Variants in ANKS1B observed in about 807,000 individuals in gnomAD.
ANKS1B encodes ankyrin repeat and sterile alpha motif domain-containing protein 1B.
ANKS1B carries 36 observed loss-of-function variants against 148.3 expected under a neutral mutation model. The ratio of observed to expected loss-of-function variants is 0.24; its 90% CI spans 0.19 to 0.32. The LOEUF (loss-of-function observed/expected upper bound fraction) is 0.32, where lower values mean the gene tolerates loss of function less well. Among genes scored for constraint, ANKS1B ranks in the 10% least tolerant of loss-of-function variants. The probability of loss-of-function intolerance (pLI) is 1.00; values close to 1 mark genes in which losing one functional copy is unlikely to be tolerated. For missense variants in ANKS1B, 1,157 were observed against 1,542.6 expected (o/e 0.75, Z 4.19); for synonymous variants, 542 against 560.8 (o/e 0.97, Z 0.47).
At chr12:99,122,328 G>T (rs1471520366) in intron 15 of ANKS1B, among the ~76,000 whole-genome samples, 2 of 152,094 alleles carry the variant, frequency 1.3e-5, no homozygotes, top group African/African-American at 4.8e-5. Context: ...GAGAATGGGA[G>T]AAATTTCCTT....
chr12:99,877,605 TAACA>T (rs1244782385), intron 1 of ANKS1B, among the ~76,000 whole-genome samples: 1 of 152,266 alleles, frequency 6.6e-6, no homozygotes, highest in Non-Finnish European at 1.5e-5. Context: ...ACTGATATTT[TAACA>T]ATGTAAACAA....
chr12:99,381,414 A>C (rs1467797589), intron 12 of ANKS1B, among the ~76,000 whole-genome samples: 1 of 152,204 alleles, frequency 6.6e-6, no homozygotes, highest in East Asian at 1.9e-4. Context: ...CATCCAACGC[A>C]CTGTGTAGAA....
At chr12:99,328,791 A>G (rs1403231215) in intron 12 of ANKS1B, among the ~76,000 whole-genome samples, 1 of 151,974 alleles carries the variant, frequency 6.6e-6, no homozygotes, top group African/African-American at 2.4e-5. Context: ...TTTGAACCAG[A>G]ATTGACAGAT....
chr12:99,790,276 T>G (rs943247598), intron 4 of ANKS1B, among the ~76,000 whole-genome samples: 5 of 152,106 alleles, frequency 3.3e-5, no homozygotes, highest in South Asian at 2.1e-4. Flanking sequence ...AAAAATATCC[T>G]TCAAGCATGA....
intron 15 of ANKS1B, among the ~76,000 whole-genome samples, chr12:99,119,318 C>T (rs909133589): frequency 3.3e-5 from 5 of 152,088 alleles, no homozygotes; most frequent in African/African-American, 1.2e-4. Context: ...GAACATATTA[C>T]CCTCTAGAGC....
intron 8 of ANKS1B, among the ~76,000 whole-genome samples, chr12:99,748,723 G>A (rs2060833379): frequency 1.3e-5 from 2 of 151,964 alleles, no homozygotes; most frequent in African/African-American, 2.4e-5. Flanking sequence ...ATAAAACAGG[G>A]TAATGGAAAT....
rs138435260 is a variant in ANKS1B at position 98,763,481 on chromosome 12, T to C, written c.3579+9561A>G. The stretch of plus-strand genomic sequence containing the variant: ...GCAGGTAGCTTCTTTAGGGCTAATT[T>C]TGGCTAACTAAAAGAGCCACGAGAT... On this transcript the variant is annotated intron_variant, in intron 25 of 26. Coordinates refer to ENST00000683438, the MANE Select transcript of ANKS1B (RefSeq NM_001352186.2). Among the ~76,000 whole-genome samples, 894 of 152,360 alleles carry C rather than the reference T, an allele frequency of 5.9e-3. 6 individuals carry two copies. The highest frequency in any genetic ancestry group is 0.021 in the African/African-American group (854 of 41,586).
intron 9 of ANKS1B, among the ~76,000 whole-genome samples, chr12:99,543,818 G>A (rs1255059401): frequency 1.3e-5 from 2 of 152,100 alleles, no homozygotes; most frequent in African/African-American, 4.8e-5. Flanking sequence ...TGATAAAGGT[G>A]TATGCCAACT....
chr12:99,374,431 T>C (rs2093298791), intron 12 of ANKS1B, among the ~76,000 whole-genome samples: 1 of 151,980 alleles, frequency 6.6e-6, no homozygotes, highest in African/African-American at 2.4e-5. Flanking sequence ...TGAGTGTAGG[T>C]GTTAATATGA....
At chr12:99,753,799 A>G (rs1031484940) in intron 8 of ANKS1B, among the ~76,000 whole-genome samples, 7 of 152,124 alleles carry the variant, frequency 4.6e-5, no homozygotes, top group African/African-American at 7.2e-5. Flanking sequence ...AGGTGGGTGG[A>G]TCACCTGAGG....
At chr12:99,641,955 G>T (rs1440205842) in intron 9 of ANKS1B, among the ~76,000 whole-genome samples, 1 of 152,084 alleles carries the variant, frequency 6.6e-6, no homozygotes, top group Admixed American at 6.5e-5. Flanking sequence ...AGGGACTATG[G>T]GAAAGTATAA....
chr12:99,238,887 T>G (rs2088617197), intron 14 of ANKS1B, among the ~76,000 whole-genome samples: 1 of 151,988 alleles, frequency 6.6e-6, no homozygotes, highest in Non-Finnish European at 1.5e-5. Context: ...GAAAAGGACA[T>G]CCACACCAAA....
intron 17 of ANKS1B, among the ~76,000 whole-genome samples, chr12:98,964,453 C>G (rs933038652): frequency 2.0e-5 from 3 of 152,068 alleles, no homozygotes; most frequent in Non-Finnish European, 4.4e-5. Context: ...TAGGTATATA[C>G]CCAAAAGAAA....
At chr12:99,449,931 CTATCTATCT>C in intron 10 of ANKS1B, among the ~76,000 whole-genome samples, 1 of 151,158 alleles carries the variant, frequency 6.6e-6, no homozygotes, top group South Asian at 2.1e-4. Context: ...ATCTATCTAT[CTATCTATCT>C]ATCTATCTAG....
At chr12:99,977,093 T>G (rs2095638940) in intron 1 of ANKS1B, among the ~76,000 whole-genome samples, 1 of 152,158 alleles carries the variant, frequency 6.6e-6, no homozygotes, top group Non-Finnish European at 1.5e-5. Flanking sequence ...ATTAATCCAT[T>G]CATACATGCA....
intron 11 of ANKS1B, among the ~76,000 whole-genome samples, chr12:99,405,756 T>A (rs1483229562): frequency 7.3e-6 from 1 of 136,442 alleles, no homozygotes; most frequent in African/African-American, 2.8e-5. Flanking sequence ...CTGAATGGGT[T>A]AAAAAAAAAA....
intron 4 of ANKS1B, among the ~76,000 whole-genome samples, chr12:99,790,967 CAA>C (rs1178287195): frequency 6.6e-6 from 1 of 151,888 alleles, no homozygotes; most frequent in African/African-American, 2.4e-5. Flanking sequence ...ACTCTCCAAT[CAA>C]AAGACATAGA....
intron 8 of ANKS1B, among the ~76,000 whole-genome samples, chr12:99,701,497 A>G (rs1298083906): frequency 6.6e-6 from 1 of 152,172 alleles, no homozygotes; most frequent in African/African-American, 2.4e-5. Context: ...TAAACGAGGT[A>G]TCCACCACTT....
chr12:99,248,129 G>A (rs1052641067), intron 12 of ANKS1B, among the ~76,000 whole-genome samples: 1 of 152,046 alleles, frequency 6.6e-6, no homozygotes, highest in Non-Finnish European at 1.5e-5. Flanking sequence ...GTGATGGAAC[G>A]AGATGGCCAA....
Sources: gnomAD v4.1 joint callset for allele counts (sites outside exome capture counted in the v4.1 genomes callset) on GRCh38, gnomAD v4.1.1 for gene constraint, MANE v1.5 for transcripts, NCBI Gene and HGNC (gene_info 2026-07-23, HGNC 2026-07-21) for gene names.